Variants in DNAI4 observed in about 807,000 individuals in gnomAD.
The protein encoded by DNAI4 is dynein axonemal intermediate chain 4, also known as WD repeat domain 78.
DNAI4 carries 85 observed loss-of-function variants against 105.8 expected under a neutral mutation model. The observed-to-expected ratio is 0.80, with a 90% CI of 0.67 to 0.96. The LOEUF is 0.96. Among genes scored for constraint, DNAI4 ranks in the 40% least tolerant of loss-of-function variants. DNAI4 has a pLI of 0.00. For synonymous variants in DNAI4, 352 were observed against 331.5 expected (o/e 1.06, Z -0.67); for missense variants, 1,014 against 1,005.6 (o/e 1.01, Z -0.11).
chr1:66,920,131 G>A (rs1200709830), intron 1 of DNAI4, among the ~76,000 whole-genome samples: 1 of 152,066 alleles, frequency 6.6e-6, no homozygotes, highest in African/African-American at 2.4e-5. Flanking sequence ...AAAAACCCCA[G>A]GCTCAGCCAG....
In DNAI4 at chr1:66,840,536, C is replaced by T; in HGVS notation, c.1427G>A (p.Trp476Ter). The change falls in exon 9 of 17, where the codon TGG becomes TAG. Residue 476 changes from tryptophan to a stop codon, truncating the protein, a stop_gained. Coordinates refer to ENST00000371026, the MANE Select transcript of DNAI4 (RefSeq NM_024763.5). LOFTEE classifies it high-confidence loss of function. ...TTTGGTTAAGTCACAGGAAAAAGAC[C>T]AAAGTCGTTCCAAGTTGGCGGGTAT... ...STIPANLERL[W>*]SFSCDLTKGL... 1.2e-6 allele frequency: 2 copies of T among 1,614,178 alleles called. No individual in the cohort carries two copies. The highest frequency in any genetic ancestry group is 1.7e-6 in the Non-Finnish European group (2 of 1,180,034).
At chr1:66,823,833 T>C (rs1222717993) in intron 15 of DNAI4, among the ~76,000 whole-genome samples, 4 of 151,074 alleles carry the variant, frequency 2.6e-5, no homozygotes, top group African/African-American at 7.3e-5. Flanking sequence ...GAGTAGGTTG[T>C]GAAAATTTTC....
At chr1:66,924,166 G>A (rs1650896060) in intron 1 of DNAI4, among the ~76,000 whole-genome samples, 2 of 152,144 alleles carry the variant, frequency 1.3e-5, no homozygotes, top group Non-Finnish European at 2.9e-5. Context: ...CACAGCAATA[G>A]AGATTTATTT....
At chr1:66,851,701 A>G (rs1646399931) in intron 7 of DNAI4, among the ~76,000 whole-genome samples, 1 of 152,098 alleles carries the variant, frequency 6.6e-6, no homozygotes, top group African/African-American at 2.4e-5. Context: ...TCAAAGAGGA[A>G]GTCTCAAGGG....
intron 8 of DNAI4, among the ~76,000 whole-genome samples, chr1:66,842,304 G>A (rs1191429564): frequency 6.6e-6 from 1 of 152,134 alleles, no homozygotes; most frequent in African/African-American, 2.4e-5. Context: ...GGTTTGGTGT[G>A]GACACAGTTT....
chr1:66,867,165 G>A (rs1646751563), intron 6 of DNAI4, among the ~76,000 whole-genome samples: 1 of 152,206 alleles, frequency 6.6e-6, no homozygotes, highest in Admixed American at 6.5e-5. Context: ...CATATCAGCA[G>A]TGTTCCATTA....
In DNAI4 at chr1:66,896,934, G is replaced by T. The variant is rs370497749; in HGVS notation, c.346-3521C>A. Among the ~76,000 whole-genome samples the T allele has an allele frequency of 4.6e-5, 7 of 152,314 alleles. No homozygotes were observed. In the South Asian group the frequency reaches 1.0e-3, roughly 23 times the overall value. ...ACCTGAAAATGTAGAAGTGGCTTTG[G>T]AACTGAGTAGTGGATAGAGGCTGGA... On this transcript the variant is annotated intron_variant, in intron 2 of 16. Transcript: ENST00000371026.
At chr1:66,896,776 C>T (rs1046060232) in intron 2 of DNAI4, among the ~76,000 whole-genome samples, 10 of 152,156 alleles carry the variant, frequency 6.6e-5, no homozygotes, top group Non-Finnish European at 1.0e-4. Context: ...GGTTCCTTGA[C>T]CCTGGACATC....
chr1:66,846,596 G>C (rs182966279), intron 8 of DNAI4, among the ~76,000 whole-genome samples: 1 of 152,154 alleles, frequency 6.6e-6, no homozygotes, highest in East Asian at 1.9e-4. Context: ...ATAATACAAA[G>C]TAATCTGTGG....
intron 3 of DNAI4, 136 bp downstream of exon 3, chr1:66,893,093 G>GA (rs10639038): frequency 1.3e-4 from 53 of 422,472 alleles, no homozygotes; most frequent in African/African-American, 9.8e-4. Context: ...AAGAAAGAAA[G>GA]AAAGAAAGAA....
At chr1:66,866,285 C>T (rs561391336) in intron 6 of DNAI4, among the ~76,000 whole-genome samples, 46 of 148,802 alleles carry the variant, frequency 3.1e-4, no homozygotes, top group African/African-American at 9.2e-4. Flanking sequence ...CCAGCCTGGG[C>T]GACAGAATGA....
intron 2 of DNAI4, among the ~76,000 whole-genome samples, chr1:66,901,306 T>A (rs182708791): frequency 2.0e-5 from 3 of 152,314 alleles, no homozygotes; most frequent in Admixed American, 1.3e-4. Context: ...TTATTTGAGA[T>A]CTTTCTTCTT....
In DNAI4 at chr1:66,826,291, A is replaced by G. The variant is rs557958557; in HGVS notation, c.2339+529T>C. On this transcript the variant is annotated intron_variant, in intron 15 of 16. Transcript: ENST00000371026. ...AAGTTTGAGGAGATGAGTAAGGTAA[A>G]CCACTTTCTTTAGTCTTTTTTTTTT... Among the ~76,000 whole-genome samples, 8 of 151,974 alleles carry G rather than the reference A, an allele frequency of 5.3e-5. No homozygotes were observed. The East Asian group carries it at 1.5e-3, about 29-fold the overall frequency.
intron 6 of DNAI4, 66 bp from the exon 7 acceptor site, chr1:66,862,368 T>TAG: frequency 6.7e-7 from 1 of 1,485,586 alleles, no homozygotes; most frequent in Non-Finnish European, 9.2e-7. Context: ...GCTTTATACA[T>TAG]AACTAGTCAC....
At chr1:66,868,398 T>G (rs947086807) in intron 6 of DNAI4, among the ~76,000 whole-genome samples, 1 of 152,160 alleles carries the variant, frequency 6.6e-6, no homozygotes, top group African/African-American at 2.4e-5. Context: ...TGTATCTGGG[T>G]GTATCTGTGA....
At chr1:66,823,471 G>A (rs370112366) in intron 15 of DNAI4, among the ~76,000 whole-genome samples, 18,945 of 149,216 alleles carry the variant, frequency 0.13, 1,435 homozygotes, top group East Asian at 0.2. Context: ...CTAGATCCCT[G>A]AGGAATCGCC....
At chr1:66,916,779 T>C (rs982327662) in intron 1 of DNAI4, among the ~76,000 whole-genome samples, 2 of 152,208 alleles carry the variant, frequency 1.3e-5, no homozygotes, top group African/African-American at 4.8e-5. Context: ...AAAATTAAAA[T>C]TTTATAGTTT....
chr1:66,914,860 C>G (rs1452013325), intron 1 of DNAI4, among the ~76,000 whole-genome samples: 4 of 152,010 alleles, frequency 2.6e-5, no homozygotes, highest in African/African-American at 9.7e-5. Flanking sequence ...AATAAAAGCA[C>G]TTAAATCAGG....
At chr1:66,883,530 G>A (rs1281705664) in intron 4 of DNAI4, among the ~76,000 whole-genome samples, 1 of 151,910 alleles carries the variant, frequency 6.6e-6, no homozygotes. Flanking sequence ...CGCCCATCTC[G>A]GCCTCCCAAA....
Sources: allele counts gnomAD v4.1 joint callset (sites outside exome capture counted in the v4.1 genomes callset), GRCh38; gene constraint gnomAD v4.1.1; transcripts MANE v1.5; gene names NCBI Gene and HGNC (gene_info 2026-07-23, HGNC 2026-07-21).